The following CHDH variants were observed in gnomAD, a reference collection of about 807,000 sequenced individuals.
CHDH encodes the protein choline dehydrogenase, mitochondrial.
A neutral mutation model predicts 56.9 loss-of-function variants in CHDH; 43 were observed. The observed-to-expected ratio is 0.76, with a 90% CI of 0.59 to 0.97. CHDH has a LOEUF of 0.97. Ranked by LOEUF, CHDH falls within the 50% of genes least tolerant of loss-of-function variation. CHDH has a pLI of 0.00. For missense variants in CHDH, 816 were observed against 821.1 expected (o/e 0.99, Z 0.08); for synonymous variants, 364 against 348.5 (o/e 1.04, Z -0.50).
In CHDH at chr3:53,816,828, A is replaced by C. The variant is rs11714712; in HGVS notation, c.*949T>G. 1 of 148,272 alleles carries C rather than the reference A, an allele frequency of 6.7e-6. No homozygotes were observed. The highest frequency in any genetic ancestry group is 2.0e-4 in the East Asian group (1 of 4,960). 9.2% of individuals were successfully genotyped at this position (148,272 alleles called of 1,614,324 possible). On this transcript the variant is annotated 3_prime_UTR_variant, in exon 9 of 9. Coordinates refer to ENST00000315251, the MANE Select transcript of CHDH (RefSeq NM_018397.5). ...CTCCTCTCCCCTTGAATAAGGTCCA[A>C]AAAAATCTCAGGTTTTTTTTTTTTT...
chr3:53,843,235 C>A (rs1472925865), intron 1 of CHDH, among the ~76,000 whole-genome samples: 1 of 133,580 alleles, frequency 7.5e-6, no homozygotes, highest in Non-Finnish European at 1.6e-5. Context: ...TAAATTTACA[C>A]AGCACTCTTA....
At chr3:53,845,906 T>TG (rs1698861785) in intron 1 of CHDH, among the ~76,000 whole-genome samples, 177 bp downstream of exon 1, 1 of 152,248 alleles carries the variant, frequency 6.6e-6, no homozygotes, top group South Asian at 2.1e-4. Flanking sequence ...AAGGAGTCAG[T>TG]GAGCTTCGGC....
intron 2 of CHDH, among the ~76,000 whole-genome samples, chr3:53,830,289 C>T (rs1698293994): frequency 6.6e-6 from 1 of 151,802 alleles, no homozygotes; most frequent in Admixed American, 6.6e-5. Context: ...AAAGAAACCC[C>T]AGACAGCAGT....
At chr3:53,838,680 A>C (rs1259445966) in intron 2 of CHDH, among the ~76,000 whole-genome samples, 1 of 152,186 alleles carries the variant, frequency 6.6e-6, no homozygotes, top group Non-Finnish European at 1.5e-5. Flanking sequence ...AGAGCCCATC[A>C]TGGAGCTGCT....
intron 2 of CHDH, among the ~76,000 whole-genome samples, chr3:53,831,459 C>A (rs1167657666): frequency 6.6e-6 from 1 of 152,222 alleles, no homozygotes; most frequent in East Asian, 1.9e-4. Context: ...TGGGCAAGAC[C>A]CAGTCCTGTG....
chr3:53,842,740 G>A (rs1698712763), intron 1 of CHDH, among the ~76,000 whole-genome samples: 1 of 152,150 alleles, frequency 6.6e-6, no homozygotes, highest in Non-Finnish European at 1.5e-5. Flanking sequence ...GCCCTGCTGG[G>A]AACAGTGGGG....
In CHDH at chr3:53,814,151, T is replaced by C. The variant is rs1211113231; in HGVS notation, c.*3626A>G. ...GATGGGACCAGGGGCACCACTTGCT[T>C]TCCTGCTGACCCTGCTATGAGAAAA... On this transcript the variant is annotated 3_prime_UTR_variant, in exon 9 of 9. Transcript: ENST00000315251. The C allele has an allele frequency of 2.0e-5, 3 of 152,210 alleles. No individual in the cohort carries two copies. Among genetic ancestry groups the C allele is most frequent in the Non-Finnish European group, 2.9e-5 (2 of 68,040 alleles). 9.4% of individuals were successfully genotyped at this position (152,210 alleles called of 1,614,324 possible).
At chr3:53,839,856 T>C (rs1459103004) in intron 2 of CHDH, among the ~76,000 whole-genome samples, 1 of 152,246 alleles carries the variant, frequency 6.6e-6, no homozygotes, top group Non-Finnish European at 1.5e-5. Flanking sequence ...ATGTGATCCA[T>C]ATACACAATG....
At position 53,822,536 on chromosome 3, in the gene CHDH, G is replaced by T. The variant is rs1184143151; in HGVS notation, c.810C>A (p.Thr270=). 6.2e-7 allele frequency: 1 copy of T among 1,613,626 alleles called. No homozygotes were observed. Among genetic ancestry groups the T allele is most frequent in the Non-Finnish European group, 8.5e-7 (1 of 1,179,980 alleles). Residue 270 remains threonine, a synonymous_variant, in exon 4 of 9, where the codon ACC becomes ACA. Coordinates refer to ENST00000315251, the MANE Select transcript of CHDH (RefSeq NM_018397.5). ...TLVSRVLFEG[T]RAVGVEYVKN... is the part of the protein sequence containing the mutation. ...TGACATACTCCACGCCCACTGCACG[G>T]GTGCCCTCAAATAGCACCCTGCTCA... is the stretch of plus-strand genomic sequence containing the variant.
chr3:53,834,837 C>T (rs1698446561), intron 2 of CHDH, among the ~76,000 whole-genome samples: 1 of 152,218 alleles, frequency 6.6e-6, no homozygotes, highest in East Asian at 1.9e-4. Flanking sequence ...GGATTAGATC[C>T]TTTGGCCATT....
chr3:53,822,395 C>G, intron 4 of CHDH, 96 bp downstream of exon 4: 2 of 1,197,972 alleles, frequency 1.7e-6, no homozygotes, highest in South Asian at 2.8e-5. Flanking sequence ...GCACGTGGGT[C>G]TGGGGGTGAG....
At chr3:53,818,316 T>C (rs1257736039) in intron 8 of CHDH, 121 bp from the exon 9 acceptor site, 3 of 899,758 alleles carry the variant, frequency 3.3e-6, no homozygotes, top group South Asian at 3.6e-5. Flanking sequence ...GGGACAAAGT[T>C]CAGGGCCATG....
chr3:53,827,522 G>A (rs917808767), intron 2 of CHDH, among the ~76,000 whole-genome samples: 5 of 152,188 alleles, frequency 3.3e-5, no homozygotes, highest in African/African-American at 9.7e-5. Flanking sequence ...GTAACTGGGT[G>A]TGGTGGTGCA....
chr3:53,824,619 A>G (rs534759797), intron 2 of CHDH, among the ~76,000 whole-genome samples: 1 of 152,290 alleles, frequency 6.6e-6, no homozygotes, highest in Admixed American at 6.5e-5. Flanking sequence ...CTTTGACCCG[A>G]GGGGCCATGG....
At chr3:53,829,029 C>G (rs1164567009) in intron 2 of CHDH, among the ~76,000 whole-genome samples, 1 of 152,144 alleles carries the variant, frequency 6.6e-6, no homozygotes, top group East Asian at 1.9e-4. Flanking sequence ...GATAAATAAA[C>G]TGTGGTACAT....
intron 2 of CHDH, among the ~76,000 whole-genome samples, chr3:53,833,273 C>T (rs970262758): frequency 3.3e-5 from 5 of 152,138 alleles, no homozygotes; most frequent in African/African-American, 9.7e-5. Flanking sequence ...TTTACTCTTC[C>T]GGGTCCCAAT....
Position 53,823,212 on chromosome 3 carries a change from A to C in CHDH, c.703+94T>G, listed in dbSNP as rs1282458977. 3.3e-6 allele frequency: 4 copies of C among 1,197,670 alleles called. No homozygotes were observed. The African/African-American group carries it at 6.3e-5, about 19-fold the overall frequency. The allele number at this position is 1,197,670 out of a possible 1,614,324, so 74.2% of individuals were successfully genotyped here. ...CTCAGTCTGCCCATGCCTCCTGACC[A>C]TGCTGGAGCCAGGAGCCTGGAGCCA... On this transcript the variant is annotated intron_variant, in intron 3 of 8. Transcript: ENST00000315251.
chr3:53,816,743 C>T lies in CHDH; in HGVS notation c.*1034G>A, dbSNP rs2095616492. 6.6e-6 allele frequency: 1 copy of T among 151,708 alleles called. No homozygotes were observed. Among genetic ancestry groups the T allele is most frequent in the Non-Finnish European group, 1.5e-5 (1 of 68,010 alleles). The allele number at this position is 151,708 out of a possible 1,614,324, so 9.4% of individuals were successfully genotyped here. ...CTGCATTTCTTGGTAAAAGGAAAACCTTTTAAAATGCTAAGTCATAAAACC... is the reference window on the plus strand; with the variant it reads ...CTGCATTTCTTGGTAAAAGGAAAACTTTTTAAAATGCTAAGTCATAAAACC... On this transcript the variant is annotated 3_prime_UTR_variant, in exon 9 of 9. Coordinates refer to ENST00000315251, the MANE Select transcript of CHDH (RefSeq NM_018397.5).
chr3:53,824,353 G>C (rs1239396304), intron 2 of CHDH, among the ~76,000 whole-genome samples: 5 of 152,236 alleles, frequency 3.3e-5, no homozygotes, highest in Non-Finnish European at 7.3e-5. Context: ...GCTGGAGTCT[G>C]CCTGCTGGAA....
Sources: allele counts gnomAD v4.1 joint callset (sites outside exome capture counted in the v4.1 genomes callset), GRCh38; gene constraint gnomAD v4.1.1; transcripts MANE v1.5; gene names NCBI Gene and HGNC (gene_info 2026-07-23, HGNC 2026-07-21).